TNRC6B: variants seen among roughly 807,000 people sequenced by gnomAD.
TNRC6B encodes the protein trinucleotide repeat-containing gene 6B protein.
Under a neutral mutation model 203.6 loss-of-function variants are expected in TNRC6B, and 52 were observed. The ratio of observed to expected loss-of-function variants is 0.26; its 90% CI spans 0.20 to 0.32. TNRC6B has a LOEUF of 0.32. TNRC6B is among the 10% of genes least tolerant of loss of function. TNRC6B has a pLI of 1.00. For missense variants in TNRC6B, 1,923 were observed against 2,286.2 expected (o/e 0.84, Z 3.24); for synonymous variants, 838 against 845.7 (o/e 0.99, Z 0.16).
intron 1 of TNRC6B, among the ~76,000 whole-genome samples, chr22:40,072,812 C>T (rs994420703): frequency 1.6e-5 from 2 of 126,970 alleles, no homozygotes; most frequent in Non-Finnish European, 3.1e-5. Context: ...TGCAGTGAGC[C>T]AAGATTGTGC....
intron 12 of TNRC6B, among the ~76,000 whole-genome samples, chr22:40,288,875 T>C (rs2146532159): frequency 8.0e-6 from 1 of 124,316 alleles, no homozygotes; most frequent in East Asian, 2.6e-4. Context: ...AGAGTCTCTC[T>C]CTCACTCAGC....
intron 1 of TNRC6B, among the ~76,000 whole-genome samples, chr22:40,093,785 G>GT (rs1234436834): frequency 6.6e-6 from 1 of 152,166 alleles, no homozygotes; most frequent in African/African-American, 2.4e-5. Context: ...GAACTGTGTT[G>GT]TTTAACTTCT....
chr22:40,210,863 C>T (rs925143895), intron 1 of TNRC6B, among the ~76,000 whole-genome samples: 1 of 152,144 alleles, frequency 6.6e-6, no homozygotes, highest in Non-Finnish European at 1.5e-5. Flanking sequence ...GTTGTGGGGG[C>T]CATCCAGTGC....
At position 40,061,820 on chromosome 22, in the gene TNRC6B, T is replaced by C. The variant is rs371694036; in HGVS notation, c.-121+16822T>C. On this transcript the variant is annotated intron_variant, in intron 1 of 23. Coordinates refer to the TNRC6B transcript ENST00000301923. ...TGGGCACGGTGGCTCACACCTGTAATCCCAGCACTTTGGGAGGCCAAGGTG... is the reference window on the plus strand; with the variant it reads ...TGGGCACGGTGGCTCACACCTGTAACCCCAGCACTTTGGGAGGCCAAGGTG... 1.2e-4 allele frequency among the ~76,000 whole-genome samples: 19 copies of C among 152,256 alleles called. 2 individuals are homozygous for C. The highest frequency in any genetic ancestry group is 9.8e-4 in the Admixed American group (15 of 15,288).
intron 3 of TNRC6B, among the ~76,000 whole-genome samples, chr22:40,126,522 A>G (rs1188442207): frequency 6.7e-6 from 1 of 149,634 alleles, no homozygotes; most frequent in African/African-American, 2.5e-5. Context: ...TTCTGTGTTA[A>G]TTCATTTAGG....
intron 1 of TNRC6B, among the ~76,000 whole-genome samples, chr22:40,236,782 AG>A (rs2069953726): frequency 6.6e-6 from 1 of 152,164 alleles, no homozygotes; most frequent in Non-Finnish European, 1.5e-5. Context: ...TGAAATTGTC[AG>A]CCCTGCCTCT....
At chr22:40,180,893 C>T (rs1207136862) in intron 1 of TNRC6B, among the ~76,000 whole-genome samples, 1 of 151,856 alleles carries the variant, frequency 6.6e-6, no homozygotes, top group Non-Finnish European at 1.5e-5. Context: ...TAACTGCCAC[C>T]CCCCCCACCA....
chr22:40,172,192 T>C (rs776918664), intron 4 of TNRC6B, among the ~76,000 whole-genome samples: 19 of 152,216 alleles, frequency 1.2e-4, no homozygotes, highest in Non-Finnish European at 2.4e-4. Flanking sequence ...AACATCTGCT[T>C]TTCAACTCAG....
At chr22:40,170,204 A>G (rs755838651) in intron 4 of TNRC6B, among the ~76,000 whole-genome samples, 1 of 147,950 alleles carries the variant, frequency 6.8e-6, no homozygotes, top group Non-Finnish European at 1.5e-5. Flanking sequence ...CTTGAGCCTG[A>G]AAGGTTGAGG....
chr22:40,047,605 A>G (rs2067702295), intron 1 of TNRC6B, among the ~76,000 whole-genome samples: 1 of 152,124 alleles, frequency 6.6e-6, no homozygotes, highest in Non-Finnish European at 1.5e-5. Flanking sequence ...TTCAGTCTCC[A>G]AGAAAAAAAA....
At chr22:40,248,196 GTGTT>G (rs1037936180) in intron 2 of TNRC6B, among the ~76,000 whole-genome samples, 1 of 152,222 alleles carries the variant, frequency 6.6e-6, no homozygotes, top group African/African-American at 2.4e-5. Flanking sequence ...CCAGCTGTGG[GTGTT>G]TGTAGCATTG....
rs58240994 is a variant in TNRC6B, at chr22:40,075,156, ATTTTT to A, written c.-121+30177_-121+30181del. ...TCTGTTCATATATATATATATATAT[ATTTTT>A]TTTTTTTTTTTTTTTTTTCTTACTG... On this transcript the variant is annotated intron_variant, in intron 1 of 23. Transcript: ENST00000301923. Among the ~76,000 whole-genome samples the A allele has an allele frequency of 5.2e-3, 185 of 35,528 alleles. 2 individuals are homozygous for A. The highest frequency in any genetic ancestry group is 0.013 in the African/African-American group (125 of 9,680). 23.3% of individuals were successfully genotyped at this position (35,528 alleles called of 152,430 possible). A position where few individuals can be genotyped will look rare whatever the true frequency, so the allele number is the denominator to read the frequency against.
At chr22:40,284,243 A>T (rs2070755516) in intron 11 of TNRC6B, among the ~76,000 whole-genome samples, 1 of 152,216 alleles carries the variant, frequency 6.6e-6, no homozygotes, top group African/African-American at 2.4e-5. Context: ...TTTCGACTTT[A>T]TGTTTAGAAT....
At chr22:40,248,559 C>A (rs2070141101) in intron 2 of TNRC6B, among the ~76,000 whole-genome samples, 1 of 152,060 alleles carries the variant, frequency 6.6e-6, no homozygotes, top group Non-Finnish European at 1.5e-5. Context: ...CTGTAATATG[C>A]CTTTGATTGG....
At chr22:40,246,194 T>C (rs1033690854) in intron 2 of TNRC6B, 92 bp downstream of exon 2, 3 of 1,039,950 alleles carry the variant, frequency 2.9e-6, no homozygotes, top group Non-Finnish European at 2.7e-6. Context: ...CCGATATCTT[T>C]TATTTTTTTT....
At chr22:40,188,067 A>G (rs1420903807) in intron 1 of TNRC6B, among the ~76,000 whole-genome samples, 1 of 152,128 alleles carries the variant, frequency 6.6e-6, no homozygotes, top group Non-Finnish European at 1.5e-5. Flanking sequence ...TAAAAATACA[A>G]AAAATTAGCT....
intron 1 of TNRC6B, among the ~76,000 whole-genome samples, chr22:40,186,963 G>A (rs913295175): frequency 2.6e-5 from 4 of 151,984 alleles, no homozygotes; most frequent in Non-Finnish European, 5.9e-5. Context: ...TACTTGATTT[G>A]CTTTTAGATT....
chr22:40,103,043 C>G (rs2068253090), intron 1 of TNRC6B, among the ~76,000 whole-genome samples: 1 of 151,836 alleles, frequency 6.6e-6, no homozygotes, highest in Non-Finnish European at 1.5e-5. Flanking sequence ...CACCATTGCA[C>G]TCCAGCCTGG....
At position 40,327,359 on chromosome 22, in the gene TNRC6B, G is replaced by A. The variant is rs2146588814; in HGVS notation, c.*4118G>A. 1 of 152,796 alleles carries A rather than the reference G, an allele frequency of 6.5e-6. No individual in the cohort carries two copies. The highest frequency in any genetic ancestry group is 6.5e-5 in the Admixed American group (1 of 15,300). 9.5% of individuals were successfully genotyped at this position (152,796 alleles called of 1,614,324 possible). On this transcript the variant is annotated 3_prime_UTR_variant, in exon 23 of 23. Transcript: ENST00000454349. ...AAATAAATAAACAAACGTCAAGCAA[G>A]TTAATATGCTTATGTCTCAGTAATG... is the stretch of plus-strand genomic sequence containing the variant.
Sources: gnomAD v4.1 joint callset for allele counts (sites outside exome capture counted in the v4.1 genomes callset) on GRCh38, gnomAD v4.1.1 for gene constraint, MANE v1.5 for transcripts, NCBI Gene and HGNC (gene_info 2026-07-23, HGNC 2026-07-21) for gene names.